The following FARS2 variants were observed in gnomAD, a reference collection of about 807,000 sequenced individuals.
FARS2 encodes the protein phenylalanyl-tRNA synthetase 2, mitochondrial.
In FARS2, 40 loss-of-function variants were observed where a neutral mutation model predicts 46.4. The ratio of observed to expected loss-of-function variants is 0.86; its 90% confidence interval spans 0.67 to 1.12. FARS2 has a LOEUF of 1.12. Among genes scored for constraint, FARS2 ranks in the 50% most tolerant of loss-of-function variants. FARS2 has a pLI of 0.00. For synonymous variants in FARS2, 234 were observed against 214.9 expected (o/e 1.09, Z -0.78); for missense variants, 513 against 567.9 (o/e 0.90, Z 0.98).
chr6:5,368,289 A>G (rs1758807833), intron 1 of FARS2, among the ~76,000 whole-genome samples: 1 of 152,234 alleles, frequency 6.6e-6, no homozygotes, highest in Non-Finnish European at 1.5e-5. Flanking sequence ...GAGGTTTTCT[A>G]CAAAGCCAAG....
chr6:5,724,067 C>T (rs1481960712), intron 6 of FARS2, among the ~76,000 whole-genome samples: 1 of 152,196 alleles, frequency 6.6e-6, no homozygotes, highest in African/African-American at 2.4e-5. Flanking sequence ...GGAGGCCGCT[C>T]CAGGCAAGGG....
intron 6 of FARS2, among the ~76,000 whole-genome samples, chr6:5,737,348 T>C (rs1408542163): frequency 3.3e-5 from 5 of 152,142 alleles, no homozygotes; most frequent in African/African-American, 1.2e-4. Flanking sequence ...CTGGCCAACA[T>C]AGTGAAACCC....
At chr6:5,292,073 G>A (rs564131536) in intron 1 of FARS2, among the ~76,000 whole-genome samples, 5 of 152,178 alleles carry the variant, frequency 3.3e-5, no homozygotes, top group Non-Finnish European at 7.4e-5. Flanking sequence ...CGGAGTGGGG[G>A]TTGTCAGAAT....
At chr6:5,436,201 C>T (rs1448481024) in intron 4 of FARS2, among the ~76,000 whole-genome samples, 6 of 152,148 alleles carry the variant, frequency 3.9e-5, no homozygotes, top group Non-Finnish European at 7.4e-5. Flanking sequence ...AATATTGATG[C>T]GATAGATATT....
intron 4 of FARS2, among the ~76,000 whole-genome samples, chr6:5,541,608 A>G (rs1770641469): frequency 6.6e-6 from 1 of 152,286 alleles, no homozygotes; most frequent in South Asian, 2.1e-4. Flanking sequence ...TTTGTTCTGT[A>G]TAGGAATAAG....
At chr6:5,654,015 G>C (rs1390461958) in intron 6 of FARS2, among the ~76,000 whole-genome samples, 1 of 152,164 alleles carries the variant, frequency 6.6e-6, no homozygotes, top group Non-Finnish European at 1.5e-5. Context: ...TGTAAGTATA[G>C]TATCAGTGGC....
Position 5,326,798 on chromosome 6 carries a change from A to G in FARS2, c.-21-41752A>G, listed in dbSNP as rs554292768. Among the ~76,000 whole-genome samples the G allele has an allele frequency of 2.0e-5, 3 of 152,092 alleles. No individual in the cohort carries two copies. The South Asian group carries it at 6.2e-4, about 32-fold the overall frequency. ...CAGTGGGTTGTGGGGAGCATGAGGTAGTTGTGCTGTGGATTTTTTTTTCTA... is the reference window on the plus strand; with the variant it reads ...CAGTGGGTTGTGGGGAGCATGAGGTGGTTGTGCTGTGGATTTTTTTTTCTA... On this transcript the variant is annotated intron_variant, in intron 1 of 6. Coordinates refer to ENST00000274680, the MANE Select transcript of FARS2 (RefSeq NM_006567.5).
intron 5 of FARS2, among the ~76,000 whole-genome samples, chr6:5,557,547 A>G (rs1377908809): frequency 6.6e-6 from 1 of 152,198 alleles, no homozygotes; most frequent in Non-Finnish European, 1.5e-5. Flanking sequence ...GCTCGTGTCA[A>G]TAAAGCTTAT....
chr6:5,765,247 G>C lies in FARS2; in HGVS notation c.1218-6044G>C, dbSNP rs911652703. Reference sequence around the variant, plus strand: ...GGCTTCCACACAAGCAGCTACTCTTGTACAGGATGGTAAAGTTAGGTGGCA... The same window carrying C: ...GGCTTCCACACAAGCAGCTACTCTTCTACAGGATGGTAAAGTTAGGTGGCA... On this transcript the variant is annotated intron_variant, in intron 6 of 6. Transcript: ENST00000274680. This position sits in a 1 kb window ranked among gnomAD's most constrained non-coding sequence, Gnocchi z 4.0. 2.0e-5 allele frequency among the ~76,000 whole-genome samples: 3 copies of C among 152,258 alleles called. No homozygotes were observed. The highest frequency in any genetic ancestry group is 6.5e-5 in the Admixed American group (1 of 15,294).
chr6:5,519,560 G>A (rs536229318), intron 4 of FARS2, among the ~76,000 whole-genome samples: 1 of 152,192 alleles, frequency 6.6e-6, no homozygotes, highest in East Asian at 1.9e-4. Flanking sequence ...TGAGGATTGA[G>A]TTAGAACAAA....
chr6:5,577,841 G>A (rs550485787), intron 5 of FARS2, among the ~76,000 whole-genome samples: 108 of 151,156 alleles, frequency 7.1e-4, no homozygotes, highest in African/African-American at 9.2e-4. Flanking sequence ...TCACTCTGTC[G>A]CCCAGGCTGG....
At chr6:5,400,036 T>C (rs970941062) in intron 2 of FARS2, among the ~76,000 whole-genome samples, 8 of 152,154 alleles carry the variant, frequency 5.3e-5, no homozygotes, top group African/African-American at 1.4e-4. Context: ...TGTTGGGTGT[T>C]GTCAAATTCA....
At chr6:5,443,112 C>A (rs140828283) in intron 4 of FARS2, among the ~76,000 whole-genome samples, 78 of 152,302 alleles carry the variant, frequency 5.1e-4, no homozygotes, top group African/African-American at 1.8e-3. Context: ...TTTCCAGTTT[C>A]CCCCCATCAA....
At chr6:5,539,402 A>G (rs9392694) in intron 4 of FARS2, among the ~76,000 whole-genome samples, 2 of 143,908 alleles carry the variant, frequency 1.4e-5, no homozygotes, top group East Asian at 2.1e-4. Context: ...ATATATATGT[A>G]TATATTTTTT....
chr6:5,261,853 C>T (rs1415289682), intron 1 of FARS2, among the ~76,000 whole-genome samples, 193 bp downstream of exon 1: 1 of 152,146 alleles, frequency 6.6e-6, no homozygotes, highest in Non-Finnish European at 1.5e-5. Context: ...TAATTAGAGA[C>T]CTTTAGGGCT....
At chr6:5,513,963 A>T (rs11243015) in intron 4 of FARS2, among the ~76,000 whole-genome samples, 5,726 of 152,046 alleles carry the variant, frequency 0.038, 178 homozygotes, top group African/African-American at 0.081. Flanking sequence ...AGCCAAATGC[A>T]CTGTTGTATC....
At position 5,731,908 on chromosome 6, in the gene FARS2, C is replaced by T. The variant is rs544629477; in HGVS notation, c.1218-39383C>T. 5.9e-5 allele frequency among the ~76,000 whole-genome samples: 9 copies of T among 152,234 alleles called. No homozygotes were observed. In the South Asian group the frequency reaches 1.2e-3, roughly 21 times the overall value. On this transcript the variant is annotated intron_variant, in intron 6 of 6. Coordinates refer to ENST00000274680, the MANE Select transcript of FARS2 (RefSeq NM_006567.5). Reference sequence around the variant, plus strand: ...TCATGTTTCATCTGGGCTGTATGGGCCTGGCTGTATGAGACTCTCACGCAG... The same window carrying T: ...TCATGTTTCATCTGGGCTGTATGGGTCTGGCTGTATGAGACTCTCACGCAG...
In FARS2 at chr6:5,676,028, A is replaced by G. The variant is rs117952452; in HGVS notation, c.1217+62708A>G. On this transcript the variant is annotated intron_variant, in intron 6 of 6. Transcript: ENST00000274680. ...GAATGAAGGAAGCACTTAAAGTATA[A>G]ATTAAAATAAAGATAACTACTATTA... 7.2e-5 allele frequency among the ~76,000 whole-genome samples: 11 copies of G among 152,336 alleles called. No individual in the cohort carries two copies. The East Asian group carries it at 2.1e-3, about 29-fold the overall frequency.
At chr6:5,278,765 C>T (rs570697753) in intron 1 of FARS2, among the ~76,000 whole-genome samples, 2 of 152,268 alleles carry the variant, frequency 1.3e-5, no homozygotes, top group Admixed American at 6.5e-5. Context: ...TTCCCCCTCT[C>T]CACCCCGTGT....
Sources: gnomAD v4.1 joint callset for allele counts (sites outside exome capture counted in the v4.1 genomes callset) on GRCh38, gnomAD v4.1.1 for gene constraint, Gnocchi (gnomAD v3.1) non-coding constraint, MANE v1.5 for transcripts, NCBI Gene and HGNC (gene_info 2026-07-23, HGNC 2026-07-21) for gene names.